The following SIPA1 variants were observed in gnomAD, a reference collection of about 807,000 sequenced individuals.
SIPA1 encodes the protein signal-induced proliferation-associated protein 1.
SIPA1 carries 51 observed loss-of-function variants against 88.1 expected under a neutral mutation model. The ratio of observed to expected loss-of-function variants is 0.58; its 90% confidence interval spans 0.46 to 0.73. SIPA1 has a LOEUF of 0.73. SIPA1 is among the 30% of genes least tolerant of loss of function. The probability of loss-of-function intolerance (pLI) is 0.00; values close to 1 mark genes in which losing one functional copy is unlikely to be tolerated. For missense variants in SIPA1, 1,348 were observed against 1,467.6 expected, an observed-to-expected ratio of 0.92 and a Z score of 1.33; for synonymous variants, 681 against 664.8, an observed-to-expected ratio of 1.02 and a Z score of -0.37.
Position 65,647,534 on chromosome 11 carries a change from C to T in SIPA1, c.2182C>T (p.Leu728Phe), listed in dbSNP as rs1590924122. 5 of 1,345,490 alleles carry T rather than the reference C, an allele frequency of 3.7e-6. No homozygotes were observed. In the East Asian group the frequency reaches 1.4e-4, roughly 36 times the overall value. 83.3% of individuals were successfully genotyped at this position (1,345,490 alleles called of 1,614,324 possible). Residue 728 changes from leucine to phenylalanine, a missense_variant, in exon 9 of 16, where the codon CTC (leucine) becomes TTC (phenylalanine). Around this residue, in one of 4 missense-constraint regions of SIPA1, gnomAD observed 615 missense variants for 559.8 expected, o/e 1.10. Coordinates refer to ENST00000534313, the MANE Select transcript of SIPA1 (RefSeq NM_006747.4). ...ETAGLRPGAR[L>F]LRVCGQTLPS... is the part of the protein sequence containing the mutation. ...GGCGGGGCTGCGGCCCGGGGCGCGC[C>T]TCCTGCGCGTGTGCGGCCAGACTCT...
At position 65,646,239 on chromosome 11, in the gene SIPA1, A is replaced by G; in HGVS notation, c.1282A>G (p.Ile428Val). 2 of 1,614,068 alleles carry G rather than the reference A, an allele frequency of 1.2e-6. No individual in the cohort carries two copies. Among genetic ancestry groups the G allele is most frequent in the Non-Finnish European group, 1.7e-6 (2 of 1,179,986 alleles). ...CCCCTAGCTCCTCCGGAAGCGCCACATTGGCAACGACATTGTGACCATCGT... is the reference window on the plus strand; with the variant it reads ...CCCCTAGCTCCTCCGGAAGCGCCACGTTGGCAACGACATTGTGACCATCGT... ...NQQQLLRKRH[I>V]GNDIVTIVFQ... The change falls in exon 7 of 16, where the codon ATT (isoleucine) becomes GTT (valine). Residue 428 changes from isoleucine to valine, a missense_variant. This residue lies in a region of SIPA1 where 641 missense variants were observed against 797.7 expected (regional missense o/e 0.80). Transcript: ENST00000534313. The surrounding 1 kb of genome is among the most constrained non-coding windows in gnomAD (Gnocchi z 7.5).
Position 65,650,440 on chromosome 11 carries a change from G to A in SIPA1, c.2943G>A (p.Leu981=). ...ACCTCTCAGAGAAGGTCTCTCACTT[G>A]GAGTCCATGCTCAGGAAGCTGCAGG... is the stretch of plus-strand genomic sequence containing the variant. ...PGNLSEKVSH[L]ESMLRKLQED... The change falls in exon 15 of 16, where the codon TTG becomes TTA. Residue 981 remains leucine, a synonymous_variant. Transcript: ENST00000534313. The A allele has an allele frequency of 6.2e-7, 1 of 1,614,108 alleles. No homozygotes were observed. Among genetic ancestry groups the A allele is most frequent in the East Asian group, 2.2e-5 (1 of 44,868 alleles).
chr11:65,650,472 T>C lies in SIPA1; in HGVS notation c.2975T>C (p.Leu992Pro). The C allele has an allele frequency of 6.2e-7, 1 of 1,614,080 alleles. No individual in the cohort carries two copies. Among genetic ancestry groups the C allele is most frequent in the East Asian group, 2.2e-5 (1 of 44,882 alleles). The change falls in exon 15 of 16, where the codon CTG becomes CCG. Residue 992 changes from leucine (L) to proline (P), a missense_variant. Coordinates refer to ENST00000534313, the MANE Select transcript of SIPA1 (RefSeq NM_006747.4). The stretch of plus-strand genomic sequence containing the variant: ...ATGCTCAGGAAGCTGCAGGAGGACC[T>C]GCAGAAGGTGAGGGGTGGGCTGAGC... ...ESMLRKLQED[L>P]QKEKADRAAL...
At chr11:65,647,106 G>GA in intron 8 of SIPA1, 41 bp downstream of exon 8, 1 of 1,451,480 alleles carries the variant, frequency 6.9e-7, no homozygotes, top group Non-Finnish European at 9.0e-7. Flanking sequence ...CGCGCGGCGG[G>GA]GCGGAGCCTG....
rs762315946 is a variant in SIPA1 at position 65,645,147 on chromosome 11, G to C, written c.1159+18G>C. 1.9e-6 allele frequency: 3 copies of C among 1,610,082 alleles called. No individual in the cohort carries two copies. The highest frequency in any genetic ancestry group is 2.5e-6 in the Non-Finnish European group (3 of 1,177,532). On this transcript the variant is annotated intron_variant, in intron 5 of 15. Transcript: ENST00000534313. ...CACCAAAAGTGAGGCCCAGGGGCAG[G>C]AGGGGTGGGAGCAGATCTGTGCTGA...
Position 65,647,727 on chromosome 11 carries a change from G to C in SIPA1, c.2306+69G>C. The C allele has an allele frequency of 4.1e-6, 5 of 1,219,588 alleles. No homozygotes were observed. The South Asian group carries it at 1.2e-4, about 29-fold the overall frequency. The allele number at this position is 1,219,588 out of a possible 1,614,324, so 75.5% of individuals were successfully genotyped here. ...GGCCACCGCGCAGTCTGCGCCTCCC[G>C]GGTCGCCATCAGCAGTTTCAGGAAC... On this transcript the variant is annotated intron_variant, in intron 9 of 15. Coordinates refer to ENST00000534313, the MANE Select transcript of SIPA1 (RefSeq NM_006747.4).
chr11:65,650,144 CCATCCCAGAGAGTGGAGACCCTA>C lies in SIPA1; in HGVS notation c.2856_2878del (p.Ile953GlyfsTer6), dbSNP rs1565184252. On this transcript the variant is annotated frameshift_variant, in exon 14 of 16. Transcript: ENST00000534313. LOFTEE classifies it high-confidence loss of function. ...GATCCCTTTGTCCCCACAGGACAGC[CCATCCCAGAGAGTGGAGACCCTA>C]AGGGAACTCCAAAATCTGATGCTGA... 1.2e-6 allele frequency: 2 copies of C among 1,614,082 alleles called. No homozygotes were observed. The highest frequency in any genetic ancestry group is 1.7e-6 in the Non-Finnish European group (2 of 1,179,968).
In SIPA1 at chr11:65,647,528, GC is replaced by G; in HGVS notation, c.2177del (p.Ala726GlyfsTer73). On this transcript the variant is annotated frameshift_variant, in exon 9 of 16. Coordinates refer to ENST00000534313, the MANE Select transcript of SIPA1 (RefSeq NM_006747.4). LOFTEE classifies it high-confidence loss of function. ...CGAGACGGCGGGGCTGCGGCCCGGG[GC>G]GCGCCTCCTGCGCGTGTGCGGCCAG... ...FAETAGLRPG[A>X]RLLRVCGQTL... The G allele has an allele frequency of 7.4e-7, 1 of 1,359,450 alleles. No homozygotes were observed. The highest frequency in any genetic ancestry group is 9.4e-7 in the Non-Finnish European group (1 of 1,058,862). 84.2% of individuals were successfully genotyped at this position (1,359,450 alleles called of 1,614,324 possible).
rs36075068 is a variant in SIPA1, at chr11:65,646,384, C to T, written c.1421+6C>T. 50,494 of 1,608,582 alleles carry T rather than the reference C, an allele frequency of 0.031. 923 individuals carry two copies. The highest frequency in any genetic ancestry group is 0.038 in the Non-Finnish European group (44,440 of 1,179,716). On this transcript the variant is annotated splice_donor_region_variant and intron_variant, in intron 7 of 15. Transcript: ENST00000534313. The surrounding 1 kb of genome is among the most constrained non-coding windows in gnomAD (Gnocchi z 7.5). ...ACGCCACACACCACCTACAGGTGGG[C>T]ACCGGAGTGGTCCCAGGTCTCCCGT...
chr11:65,650,353 A>G (rs1856239309), intron 14 of SIPA1, 48 bp from the exon 15 acceptor site: 1 of 1,595,258 alleles, frequency 6.3e-7, no homozygotes, highest in Non-Finnish European at 8.6e-7. Context: ...CAGCTGGTGC[A>G]CTGCCCCCTG....
At chr11:65,647,915 G>C (rs866782992) in intron 9 of SIPA1, among the ~76,000 whole-genome samples, 1 of 148,918 alleles carries the variant, frequency 6.7e-6, no homozygotes, top group Non-Finnish European at 1.5e-5. Context: ...CTTGTTGCCC[G>C]GGCTGGAGTG....
chr11:65,646,736 C>T lies in SIPA1; in HGVS notation c.1702C>T (p.Pro568Ser), dbSNP rs1233823467. The T allele has an allele frequency of 6.6e-7, 1 of 1,523,788 alleles. No individual in the cohort carries two copies. The highest frequency in any genetic ancestry group is 8.8e-7 in the Non-Finnish European group (1 of 1,139,732). The allele number at this position is 1,523,788 out of a possible 1,614,324, so 94.4% of individuals were successfully genotyped here. A position where few individuals can be genotyped will look rare whatever the true frequency, so the allele number is the denominator to read the frequency against. ...PSLGGRRRAA[P>S]RGPGAELQAA... ...CCTGGGTGGGAGGCGCCGGGCGGCCCCTCGGGGCCCAGGCGCCGAGCTGCA... is the reference window on the plus strand; with the variant it reads ...CCTGGGTGGGAGGCGCCGGGCGGCCTCTCGGGGCCCAGGCGCCGAGCTGCA... The change falls in exon 8 of 16, where the codon CCT becomes TCT. Residue 568 changes from proline (P) to serine (S), a missense_variant. Pro to Ser is a moderately conservative substitution (Grantham distance 74). This residue lies in a region of SIPA1 where 68 missense variants were observed against 59.0 expected (regional missense o/e 1.15). Transcript: ENST00000534313. The surrounding 1 kb of genome is among the most constrained non-coding windows in gnomAD (Gnocchi z 7.5).
chr11:65,642,146 T>A lies in SIPA1; in HGVS notation c.680-104T>A. 1 of 1,430,864 alleles carries A rather than the reference T, an allele frequency of 7.0e-7. No individual in the cohort carries two copies. 88.6% of individuals were successfully genotyped at this position (1,430,864 alleles called of 1,614,324 possible). ...GACTTAGTCTAGGGTCAACATTTGG[T>A]GGTGAGATGAAGCCTAGGGCGGGGC... On this transcript the variant is annotated intron_variant, in intron 2 of 15. Coordinates refer to ENST00000534313, the MANE Select transcript of SIPA1 (RefSeq NM_006747.4). This position sits in a 1 kb window ranked among gnomAD's most constrained non-coding sequence, Gnocchi z 6.5.
At chr11:65,648,756 C>T (rs1856188812) in intron 9 of SIPA1, among the ~76,000 whole-genome samples, 1 of 151,860 alleles carries the variant, frequency 6.6e-6, no homozygotes, top group Non-Finnish European at 1.5e-5. Flanking sequence ...TCACTTGAAC[C>T]CAGGAGGTGG....
chr11:65,641,546 C>G lies in SIPA1; in HGVS notation c.625C>G (p.Leu209Val). The change falls in exon 2 of 16, where the codon CTG becomes GTG. Residue 209 changes from leucine (L) to valine (V), a missense_variant. Leu to Val is a conservative substitution (Grantham distance 32). Coordinates refer to ENST00000534313, the MANE Select transcript of SIPA1 (RefSeq NM_006747.4). ...ACAGAACCGAACCTCGGCCTACAGC[C>G]TGGAGCACGCAGACCTGGGTGCTGG... Reference protein sequence around the residue: ...EPQNRTSAYSLEHADLGAGYY... With the variant: ...EPQNRTSAYSVEHADLGAGYY... 6.2e-7 allele frequency: 1 copy of G among 1,612,310 alleles called. No individual in the cohort carries two copies. The highest frequency in any genetic ancestry group is 8.5e-7 in the Non-Finnish European group (1 of 1,179,916).
At position 65,647,477 on chromosome 11, in the gene SIPA1, A is replaced by G; in HGVS notation, c.2125A>G (p.Thr709Ala). Reference sequence around the variant, plus strand: ...CGAGGTGGACGCCGAGGGATTCGTCACGCACGTGGAGCGCTTCACATTCGC... The same window carrying G: ...CGAGGTGGACGCCGAGGGATTCGTCGCGCACGTGGAGCGCTTCACATTCGC... ...GFEVDAEGFVTHVERFTFAET... is the reference protein window; with the variant it reads ...GFEVDAEGFVAHVERFTFAET... The change falls in exon 9 of 16, where the codon ACG (threonine) becomes GCG (alanine). Residue 709 changes from threonine to alanine, a missense_variant. By Grantham distance (58) the Thr-to-Ala change is moderately conservative. This residue lies in a region of SIPA1 where 615 missense variants were observed against 559.8 expected (regional missense o/e 1.10). Transcript: ENST00000534313. The G allele has an allele frequency of 6.8e-7, 1 of 1,473,382 alleles. No homozygotes were observed. The allele number at this position is 1,473,382 out of a possible 1,614,324, so 91.3% of individuals were successfully genotyped here. A position where few individuals can be genotyped will look rare whatever the true frequency, so the allele number is the denominator to read the frequency against.
rs373444027 is a variant in SIPA1, at chr11:65,647,072, T to G, written c.2031+7T>G. The stretch of plus-strand genomic sequence containing the variant: ...GGTGGTGGCGCGCCTGCAGGTGAGC[T>G]GGAGTGGTAAACTGGGGCCCCTGCG... On this transcript the variant is annotated splice_region_variant and intron_variant, in intron 8 of 15. Coordinates refer to ENST00000534313, the MANE Select transcript of SIPA1 (RefSeq NM_006747.4). The G allele has an allele frequency of 5.0e-5, 76 of 1,524,092 alleles. 1 individual carries two copies. The highest frequency in any genetic ancestry group is 4.4e-4 in the East Asian group (18 of 41,224). The allele number at this position is 1,524,092 out of a possible 1,614,324, so 94.4% of individuals were successfully genotyped here.
chr11:65,642,497 C>T lies in SIPA1; in HGVS notation c.842C>T (p.Ala281Val). The change falls in exon 4 of 16, where the codon GCG becomes GTG. Residue 281 changes from alanine (A) to valine (V), a missense_variant. Around this residue, in one of 4 missense-constraint regions of SIPA1, gnomAD observed 641 missense variants for 797.7 expected, o/e 0.80. Transcript: ENST00000534313. This position sits in a 1 kb window ranked among gnomAD's most constrained non-coding sequence, Gnocchi z 6.5. ...RTLRGTISED[A>V]LPPGPPRGLS... ...CTCCGTGGCACCATCTCGGAGGACGCGCTGCCGCCGGGGCCCCCACGGGGT... is the reference window on the plus strand; with the variant it reads ...CTCCGTGGCACCATCTCGGAGGACGTGCTGCCGCCGGGGCCCCCACGGGGT... The T allele has an allele frequency of 1.9e-6, 3 of 1,610,990 alleles. No individual in the cohort carries two copies. The highest frequency in any genetic ancestry group is 1.1e-5 in the South Asian group (1 of 90,924).
chr11:65,649,211 C>A, intron 9 of SIPA1, 51 bp from the exon 10 acceptor site: 1 of 1,332,392 alleles, frequency 7.5e-7, no homozygotes, highest in Non-Finnish European at 1.0e-6. Context: ...GCTAGTGATG[C>A]AGGACGCTGG....
Sources: allele counts gnomAD v4.1 joint callset (sites outside exome capture counted in the v4.1 genomes callset), GRCh38; gene constraint gnomAD v4.1.1; regional missense constraint gnomAD v4.1.1; non-coding constraint Gnocchi (gnomAD v3.1); transcripts MANE v1.5; gene names NCBI Gene and HGNC (gene_info 2026-07-23, HGNC 2026-07-21).